Variants in SCARA3 observed in about 807,000 individuals in gnomAD.
The protein encoded by SCARA3 is scavenger receptor class A member 3.
Under a neutral mutation model 47.0 loss-of-function variants are expected in SCARA3, and 39 were observed. That is an observed-to-expected ratio of 0.83 (90% CI 0.64 to 1.08). SCARA3 has a LOEUF of 1.08. Among genes scored for constraint, SCARA3 ranks in the 50% least tolerant of loss-of-function variants. The probability of loss-of-function intolerance (pLI) is 0.00; values close to 1 mark genes in which losing one functional copy is unlikely to be tolerated. For missense variants in SCARA3, 724 were observed against 792.3 expected, an observed-to-expected ratio of 0.91 and a Z score of 1.04; for synonymous variants, 356 against 334.1, an observed-to-expected ratio of 1.07 and a Z score of -0.71.
intron 1 of SCARA3, among the ~76,000 whole-genome samples, chr8:27,643,695 C>A (rs561977568): frequency 6.6e-6 from 1 of 152,110 alleles, no homozygotes; most frequent in Non-Finnish European, 1.5e-5. Flanking sequence ...TTATTTTTAC[C>A]GATCCAATTG....
chr8:27,720,857 T>C, the SCARA3 span, among the ~76,000 whole-genome samples: 16 of 151,608 alleles, frequency 1.1e-4, no homozygotes, highest in South Asian at 2.1e-4. Flanking sequence ...TCCATCCACC[T>C]ATTTATCCAC....
downstream of SCARA3, among the ~76,000 whole-genome samples, chr8:27,678,760 A>T (rs1802314728): frequency 6.6e-6 from 1 of 152,244 alleles, no homozygotes; most frequent in Admixed American, 6.5e-5. Context: ...GGAAATTATA[A>T]ACTGGTATCC....
chr8:27,710,914 G>GT, the SCARA3 span, among the ~76,000 whole-genome samples: 1 of 126,392 alleles, frequency 7.9e-6, no homozygotes, highest in African/African-American at 3.1e-5. Flanking sequence ...TCTCATAGGT[G>GT]ATTTTTTTTT....
At chr8:27,728,036 T>G in the SCARA3 span, among the ~76,000 whole-genome samples, 2 of 152,296 alleles carry the variant, frequency 1.3e-5, no homozygotes, top group South Asian at 4.1e-4. Context: ...GGATAATTCT[T>G]AAGGCAGGAC....
chr8:27,686,753 C>T, the SCARA3 span, among the ~76,000 whole-genome samples: 142 of 152,336 alleles, frequency 9.3e-4, no homozygotes, highest in African/African-American at 3.0e-3. Context: ...TATCCACACC[C>T]TCTTCTTAGG....
chr8:27,683,019 A>G, the SCARA3 span, among the ~76,000 whole-genome samples: 1 of 152,312 alleles, frequency 6.6e-6, no homozygotes, highest in African/African-American at 2.4e-5. Flanking sequence ...AACTAAAAAA[A>G]CAAAAAACAA....
At chr8:27,698,265 T>G in the SCARA3 span, among the ~76,000 whole-genome samples, 1 of 130,240 alleles carries the variant, frequency 7.7e-6, no homozygotes, top group Non-Finnish European at 1.8e-5. Flanking sequence ...AATATTAAAA[T>G]GCATGGATTT....
the SCARA3 span, among the ~76,000 whole-genome samples, chr8:27,707,882 G>A: frequency 6.7e-6 from 1 of 150,348 alleles, no homozygotes; most frequent in East Asian, 1.9e-4. Flanking sequence ...ATCTAAAAAT[G>A]ATGGGAGAAA....
rs1349287649 is a variant in SCARA3 at position 27,659,057 on chromosome 8, G to A, written c.887G>A (p.Ser296Asn). The change falls in exon 5 of 6, where the codon AGC becomes AAC. Residue 296 changes from serine to asparagine, a missense_variant. Coordinates refer to ENST00000301904, the MANE Select transcript of SCARA3 (RefSeq NM_016240.3). The stretch of plus-strand genomic sequence containing the variant: ...CAGCGCATCAGCCAGAACTCAGAGA[G>A]CATGCACGACCTGGTACTCCAGGTC... The part of the protein sequence containing the change: ...SSQRISQNSE[S>N]MHDLVLQVMG... 1 of 1,613,978 alleles carries A rather than the reference G, an allele frequency of 6.2e-7. No homozygotes were observed. Among genetic ancestry groups the A allele is most frequent in the Non-Finnish European group, 8.5e-7 (1 of 1,180,028 alleles).
chr8:27,722,734 C>G, the SCARA3 span, among the ~76,000 whole-genome samples: 1 of 152,214 alleles, frequency 6.6e-6, no homozygotes, highest in Non-Finnish European at 1.5e-5. Flanking sequence ...TCCTATCCAT[C>G]TCCCCTCACC....
intron 5 of SCARA3, among the ~76,000 whole-genome samples, chr8:27,668,463 C>T (rs1802068031): frequency 6.8e-6 from 1 of 147,722 alleles, no homozygotes; most frequent in African/African-American, 2.5e-5. Flanking sequence ...TGGCGTGAAC[C>T]CGGGAAGCGG....
the SCARA3 span, among the ~76,000 whole-genome samples, chr8:27,696,429 A>G: frequency 2.6e-5 from 4 of 152,062 alleles, no homozygotes; most frequent in Non-Finnish European, 5.9e-5. Context: ...AAATCTTTGA[A>G]TCAGTATTTT....
chr8:27,699,229 G>C, the SCARA3 span, among the ~76,000 whole-genome samples: 1 of 148,190 alleles, frequency 6.7e-6, no homozygotes, highest in East Asian at 2.0e-4. Flanking sequence ...GGGTGACAGA[G>C]CAAGACTCCG....
intron 1 of SCARA3, among the ~76,000 whole-genome samples, chr8:27,645,515 A>G (rs1801474690): frequency 6.6e-6 from 1 of 152,200 alleles, no homozygotes; most frequent in African/African-American, 2.4e-5. Flanking sequence ...CTCTGCAGAC[A>G]CTCAAATGCG....
chr8:27,713,843 T>C, the SCARA3 span, among the ~76,000 whole-genome samples: 29,700 of 152,136 alleles, frequency 0.2, 2,980 homozygotes, highest in Middle Eastern at 0.23. Flanking sequence ...TATTTGTCCC[T>C]GCCCAAATCT....
chr8:27,654,742 A>T (rs1415488183), intron 3 of SCARA3, among the ~76,000 whole-genome samples: 1 of 151,366 alleles, frequency 6.6e-6, no homozygotes, highest in Non-Finnish European at 1.5e-5. Context: ...GTGAACCATG[A>T]TCACACTGCT....
At chr8:27,727,236 T>C in the SCARA3 span, among the ~76,000 whole-genome samples, 1 of 152,058 alleles carries the variant, frequency 6.6e-6, no homozygotes, top group African/African-American at 2.4e-5. Flanking sequence ...GATCAACACG[T>C]AGTATTGGTT....
chr8:27,635,859 G>T (rs1428846909), intron 1 of SCARA3, among the ~76,000 whole-genome samples: 1 of 152,142 alleles, frequency 6.6e-6, no homozygotes, highest in Non-Finnish European at 1.5e-5. Context: ...TGGTCCTGTG[G>T]ACAGAAGTGA....
At chr8:27,639,621 G>A (rs1801340418) in intron 1 of SCARA3, among the ~76,000 whole-genome samples, 1 of 152,198 alleles carries the variant, frequency 6.6e-6, no homozygotes, top group Non-Finnish European at 1.5e-5. Flanking sequence ...TGACATTGGA[G>A]AGACCTGGGA....
Sources: gnomAD v4.1 joint callset for allele counts (sites outside exome capture counted in the v4.1 genomes callset) on GRCh38, gnomAD v4.1.1 for gene constraint, MANE v1.5 for transcripts, NCBI Gene and HGNC (gene_info 2026-07-23, HGNC 2026-07-21) for gene names.